Variants in PPP2R3A observed in about 807,000 individuals in gnomAD.
PPP2R3A encodes serine/threonine-protein phosphatase 2A regulatory subunit B'' subunit alpha.
Under a neutral mutation model 106.9 loss-of-function variants are expected in PPP2R3A, and 80 were observed. The ratio of observed to expected loss-of-function variants is 0.75; its 90% CI spans 0.62 to 0.90. PPP2R3A has a LOEUF of 0.90. Ranked by LOEUF, PPP2R3A falls within the 40% of genes least tolerant of loss-of-function variation. The pLI, the probability that PPP2R3A is intolerant of heterozygous loss-of-function variation, is 0.00. For synonymous variants in PPP2R3A, 483 were observed against 468.3 expected, an observed-to-expected ratio of 1.03 and a Z score of -0.41; for missense variants, 1,386 against 1,350.4, an observed-to-expected ratio of 1.03 and a Z score of -0.41.
chr3:136,030,240 G>A (rs1205491941), intron 3 of PPP2R3A, among the ~76,000 whole-genome samples: 1 of 149,124 alleles, frequency 6.7e-6, no homozygotes, highest in African/African-American at 2.5e-5. Flanking sequence ...GGGCGGGGGG[G>A]ATGTGTATAT....
intron 1 of PPP2R3A, among the ~76,000 whole-genome samples, chr3:135,974,343 C>T (rs1283532380): frequency 6.6e-6 from 1 of 152,164 alleles, no homozygotes; most frequent in African/African-American, 2.4e-5. Flanking sequence ...TGTATATCTC[C>T]AAGTTAGGAA....
intron 3 of PPP2R3A, among the ~76,000 whole-genome samples, chr3:136,037,547 A>G (rs1034645861): frequency 5.3e-5 from 8 of 152,216 alleles, no homozygotes; most frequent in African/African-American, 1.7e-4. Context: ...ACATAGCACC[A>G]TCTTTACCCA....
At position 135,987,950 on chromosome 3, in the gene PPP2R3A, T is replaced by A. The variant is rs1932993122; in HGVS notation, c.-440-13109T>A. Among the ~76,000 whole-genome samples the A allele has an allele frequency of 3.3e-5, 5 of 152,200 alleles. No individual in the cohort carries two copies. In the South Asian group the frequency reaches 1.0e-3, roughly 31 times the overall value. On this transcript the variant is annotated intron_variant, in intron 1 of 13. Coordinates refer to ENST00000264977, the MANE Select transcript of PPP2R3A (RefSeq NM_002718.5). ...GCTCAGCCTTTGGATATCTCCTTTT[T>A]ACTTCTGTATTCCATCCCTTGGTGA...
At chr3:135,984,482 A>G (rs1440938303) in intron 1 of PPP2R3A, among the ~76,000 whole-genome samples, 1 of 152,302 alleles carries the variant, frequency 6.6e-6, no homozygotes, top group East Asian at 1.9e-4. Context: ...GTCCCAACCA[A>G]ATCTCACTTC....
intron 1 of PPP2R3A, among the ~76,000 whole-genome samples, chr3:135,986,849 C>T (rs538612810): frequency 2.6e-5 from 4 of 152,204 alleles, no homozygotes; most frequent in African/African-American, 9.6e-5. Flanking sequence ...AAAAACAATC[C>T]TTCTTGACTC....
chr3:136,092,875 C>A (rs1159556929), intron 10 of PPP2R3A, among the ~76,000 whole-genome samples: 1 of 152,106 alleles, frequency 6.6e-6, no homozygotes, highest in Non-Finnish European at 1.5e-5. Context: ...TTTGCAATTT[C>A]TTTTGGTGGC....
intron 2 of PPP2R3A, among the ~76,000 whole-genome samples, chr3:136,007,474 TCTAAGTCTTTTAATTCCTC>T (rs1933890055): frequency 6.6e-6 from 1 of 152,184 alleles, no homozygotes; most frequent in South Asian, 2.1e-4. Context: ...TACCTAGACC[TCTAAGTCTTTTAATTCCTC>T]TAGCCTTTAA....
chr3:136,145,022 A>G, intron 13 of PPP2R3A, 21 bp from the exon 14 acceptor site: 1 of 1,601,918 alleles, frequency 6.2e-7, no homozygotes, highest in Non-Finnish European at 8.5e-7. Flanking sequence ...CAGTTAATTC[A>G]CTTTTGCTTT....
chr3:135,987,128 G>C (rs1185177895), intron 1 of PPP2R3A, among the ~76,000 whole-genome samples: 1 of 152,090 alleles, frequency 6.6e-6, no homozygotes, highest in Non-Finnish European at 1.5e-5. Context: ...CCTTCACTGG[G>C]CTTCTGAGAT....
chr3:136,002,505 A>G lies in PPP2R3A; in HGVS notation c.1007A>G (p.Asp336Gly). 1 of 1,614,108 alleles carries G rather than the reference A, an allele frequency of 6.2e-7. No individual in the cohort carries two copies. Among genetic ancestry groups the G allele is most frequent in the Admixed American group, 1.7e-5 (1 of 60,018 alleles). ...FGTEQPPKYE[D>G]VVQLSASDSG... ...ACTGAACAACCCCCTAAATATGAAGATGTTGTCCAGCTCTCAGCTTCTGAC... is the reference window on the plus strand; with the variant it reads ...ACTGAACAACCCCCTAAATATGAAGGTGTTGTCCAGCTCTCAGCTTCTGAC... Residue 336 changes from aspartate (D) to glycine (G), a missense_variant, in exon 2 of 14, where the codon GAT becomes GGT. Transcript: ENST00000264977.
intron 10 of PPP2R3A, among the ~76,000 whole-genome samples, chr3:136,096,670 CAG>C (rs2107956839): frequency 6.6e-6 from 1 of 152,324 alleles, no homozygotes; most frequent in Admixed American, 6.5e-5. Context: ...GAATATGCAA[CAG>C]AATATACATT....
chr3:136,132,618 T>C (rs1433817218), intron 13 of PPP2R3A, among the ~76,000 whole-genome samples: 1 of 151,788 alleles, frequency 6.6e-6, no homozygotes, highest in East Asian at 1.9e-4. Flanking sequence ...TGAGAGAAAT[T>C]AAAGAAGACC....
intron 13 of PPP2R3A, among the ~76,000 whole-genome samples, chr3:136,138,385 T>G (rs1938707196): frequency 6.6e-6 from 1 of 152,234 alleles, no homozygotes; most frequent in African/African-American, 2.4e-5. Flanking sequence ...GAATTAACAG[T>G]TGATAGCTCA....
At chr3:136,026,488 T>G (rs139452811) in intron 2 of PPP2R3A, among the ~76,000 whole-genome samples, 1 of 152,282 alleles carries the variant, frequency 6.6e-6, no homozygotes, top group Non-Finnish European at 1.5e-5. Context: ...AAGAATGTAT[T>G]AATCCAGTTC....
At chr3:136,087,301 C>CTCTCTCTCTCTCTCT (rs1357086259) in intron 8 of PPP2R3A, among the ~76,000 whole-genome samples, 6 of 146,136 alleles carry the variant, frequency 4.1e-5, no homozygotes, top group African/African-American at 7.7e-5. Flanking sequence ...CTCTCTCTCA[C>CTCTCTCTCTCTCTCT]CAACATGCTA....
intron 1 of PPP2R3A, among the ~76,000 whole-genome samples, chr3:135,974,126 G>A (rs943476328): frequency 2.0e-5 from 3 of 152,128 alleles, no homozygotes; most frequent in Non-Finnish European, 2.9e-5. Context: ...TAGCTTTGCT[G>A]CATTCTCTGC....
chr3:136,037,434 A>G (rs767420496), intron 3 of PPP2R3A, among the ~76,000 whole-genome samples: 42 of 152,238 alleles, frequency 2.8e-4, no homozygotes, highest in Non-Finnish European at 4.6e-4. Flanking sequence ...GACTGGGCCA[A>G]AGGATTCATC....
At chr3:136,131,974 GAC>G (rs1938440254) in intron 13 of PPP2R3A, among the ~76,000 whole-genome samples, 1 of 130,834 alleles carries the variant, frequency 7.6e-6, no homozygotes, top group Non-Finnish European at 1.6e-5. Flanking sequence ...AGAACATATG[GAC>G]ACAGGGCGGG....
rs558451492 is a variant in PPP2R3A at position 136,145,145 on chromosome 3, T to G, written c.3432T>G (p.Leu1144=). 2 of 1,611,950 alleles carry G rather than the reference T, an allele frequency of 1.2e-6. No homozygotes were observed. The highest frequency in any genetic ancestry group is 3.4e-5 in the Admixed American group (2 of 59,442). ...SASLPEKCGK[L]QSVDEE ...GCCTTCCAGAGAAATGTGGAAAGCT[T>G]CAATCAGTGGATGAAGAATAGCTGC... Residue 1144 remains leucine (L), a synonymous_variant, in exon 14 of 14, where the codon CTT becomes CTG. Coordinates refer to ENST00000264977, the MANE Select transcript of PPP2R3A (RefSeq NM_002718.5).
Sources: gnomAD v4.1 joint callset for allele counts (sites outside exome capture counted in the v4.1 genomes callset) on GRCh38, gnomAD v4.1.1 for gene constraint, MANE v1.5 for transcripts, NCBI Gene and HGNC (gene_info 2026-07-23, HGNC 2026-07-21) for gene names.